GNB1L: variants seen among roughly 807,000 people sequenced by gnomAD.
The protein encoded by GNB1L is guanine nucleotide-binding protein subunit beta-like protein 1.
Under a neutral mutation model 29.1 loss-of-function variants are expected in GNB1L, and 20 were observed. That is an observed-to-expected ratio of 0.69 (90% confidence interval 0.48 to 1.00). The LOEUF is 1.00. Ranked by LOEUF, GNB1L falls within the 50% of genes least tolerant of loss-of-function variation. GNB1L has a pLI of 0.00. For synonymous variants in GNB1L, 193 were observed against 206.5 expected (o/e 0.93, Z 0.56); for missense variants, 421 against 464.9 (o/e 0.91, Z 0.87).
Position 19,821,248 on chromosome 22 carries a change from C to T in GNB1L, c.108G>A (p.Gly36=), listed in dbSNP as rs780742354. 5.0e-6 allele frequency: 8 copies of T among 1,611,876 alleles called. No homozygotes were observed. Among genetic ancestry groups the T allele is most frequent in the African/African-American group, 1.3e-5 (1 of 74,926 alleles). ...LHFCEGAQAQ[G]RPLLFSGSQS... is the part of the protein sequence containing the mutation. Reference sequence around the variant, plus strand: ...CTCACCCTGAGAAGAGGAGCGGGCGCCCCTGAGCCTGGGCTCCTTCGCAGA... The same window carrying T: ...CTCACCCTGAGAAGAGGAGCGGGCGTCCCTGAGCCTGGGCTCCTTCGCAGA... The change falls in exon 3 of 8, where the codon GGG becomes GGA. Residue 36 remains glycine, a synonymous_variant. Transcript: ENST00000329517.
chr22:19,817,110 G>A (rs1256477269), intron 4 of GNB1L, among the ~76,000 whole-genome samples: 1 of 152,200 alleles, frequency 6.6e-6, no homozygotes, highest in Non-Finnish European at 1.5e-5. Context: ...GGAACTCCCG[G>A]CAAGACACAA....
chr22:19,819,698 C>G (rs1937562733), intron 4 of GNB1L, among the ~76,000 whole-genome samples: 1 of 152,182 alleles, frequency 6.6e-6, no homozygotes, highest in Non-Finnish European at 1.5e-5. Context: ...CTCTGTGGAC[C>G]CTTCCTGCTG....
chr22:19,851,280 C>A (rs745966542), intron 2 of GNB1L: 44 of 1,613,106 alleles, frequency 2.7e-5, no homozygotes, highest in Non-Finnish European at 4.2e-6. Flanking sequence ...ACCTCCTCCT[C>A]TGTTTTCTGG....
intron 2 of GNB1L, chr22:19,851,746 G>A (rs1938105826): frequency 5.6e-6 from 9 of 1,609,264 alleles, no homozygotes; most frequent in Non-Finnish European, 7.7e-6. Flanking sequence ...TGAGATCCTG[G>A]CAGAAGAGCT....
intron 2 of GNB1L, among the ~76,000 whole-genome samples, chr22:19,833,878 A>C (rs1937721409): frequency 1.3e-5 from 2 of 150,274 alleles, no homozygotes; most frequent in Admixed American, 1.3e-4. Flanking sequence ...AGAGAAAAAC[A>C]ATAATAATAA....
Position 19,806,576 on chromosome 22 carries a change from C to T in GNB1L, c.516+83G>A, listed in dbSNP as rs1011811517. 71 of 863,682 alleles carry T rather than the reference C, an allele frequency of 8.2e-5. 1 individual carries two copies. The Admixed American group carries it at 1.2e-3, about 14-fold the overall frequency. 53.5% of individuals were successfully genotyped at this position (863,682 alleles called of 1,614,324 possible). A position where few individuals can be genotyped will look rare whatever the true frequency, so the allele number is the denominator to read the frequency against. Reference sequence around the variant, plus strand: ...GTGGGGTGTTGCCTGAGTGGCTCGACGATAAATCAGATCCTGAATGGAGCA... The same window carrying T: ...GTGGGGTGTTGCCTGAGTGGCTCGATGATAAATCAGATCCTGAATGGAGCA... On this transcript the variant is annotated intron_variant, in intron 6 of 7. Transcript: ENST00000329517.
intron 2 of GNB1L, chr22:19,851,744 T>G (rs749248074): frequency 1.2e-6 from 2 of 1,609,162 alleles, no homozygotes; most frequent in South Asian, 2.2e-5. Context: ...CTTGAGATCC[T>G]GGCAGAAGAG....
chr22:19,807,401 G>C (rs1257991250), intron 5 of GNB1L, among the ~76,000 whole-genome samples: 2 of 152,122 alleles, frequency 1.3e-5, no homozygotes, highest in Admixed American at 6.5e-5. Context: ...CTGCCAGGTG[G>C]TTCTGCTGGA....
At chr22:19,844,300 C>T (rs186299690) in intron 2 of GNB1L, among the ~76,000 whole-genome samples, 4 of 152,354 alleles carry the variant, frequency 2.6e-5, no homozygotes, top group South Asian at 2.1e-4. Context: ...TGTTCTCCCC[C>T]GAGGCACTGC....
At position 19,788,373 on chromosome 22, in the gene GNB1L, G is replaced by A. The variant is rs1385291037; in HGVS notation, c.*336C>T. On this transcript the variant is annotated 3_prime_UTR_variant, in exon 8 of 8. Coordinates refer to ENST00000329517, the MANE Select transcript of GNB1L (RefSeq NM_053004.3). ...CTGAGGGCACTGATGCTAAGTGGGG[G>A]ACCAGGGCCTCCTCAGGGAGCTCCC... 3 of 583,088 alleles carry A rather than the reference G, an allele frequency of 5.1e-6. No individual in the cohort carries two copies. Among genetic ancestry groups the A allele is most frequent in the South Asian group, 2.1e-5 (1 of 47,414 alleles). 36.1% of individuals were successfully genotyped at this position (583,088 alleles called of 1,614,324 possible). A position where few individuals can be genotyped will look rare whatever the true frequency, so the allele number is the denominator to read the frequency against.
At chr22:19,852,596 T>C (rs1317041583) in intron 2 of GNB1L, 3 of 289,784 alleles carry the variant, frequency 1.0e-5, no homozygotes, top group African/African-American at 2.2e-5. Context: ...ACTAGGAGCT[T>C]TGAATGGAAG....
intron 5 of GNB1L, among the ~76,000 whole-genome samples, chr22:19,810,310 C>T (rs1403644955): frequency 6.6e-6 from 1 of 152,174 alleles, no homozygotes. Context: ...TCCAAAAGAC[C>T]CCTCTGGGGA....
At chr22:19,842,446 C>A (rs1937878199) in intron 2 of GNB1L, among the ~76,000 whole-genome samples, 1 of 152,248 alleles carries the variant, frequency 6.6e-6, no homozygotes, top group South Asian at 2.1e-4. Flanking sequence ...TGTCTGCCCA[C>A]CAAGGCCTCG....
chr22:19,806,813 A>G (rs1313298890), intron 5 of GNB1L, 56 bp from the exon 6 acceptor site: 1 of 1,222,674 alleles, frequency 8.2e-7, no homozygotes, highest in Non-Finnish European at 1.2e-6. Context: ...TCTGCGCTAT[A>G]CAAACAAGAG....
chr22:19,806,782 T>G (rs1937441208), intron 5 of GNB1L, 25 bp from the exon 6 acceptor site: 2 of 1,535,518 alleles, frequency 1.3e-6, no homozygotes, highest in Non-Finnish European at 1.8e-6. Flanking sequence ...ACAAGTTGAT[T>G]TGGGCCGTCG....
intron 6 of GNB1L, among the ~76,000 whole-genome samples, chr22:19,804,916 G>T (rs1187263882): frequency 6.6e-6 from 1 of 152,236 alleles, no homozygotes; most frequent in Non-Finnish European, 1.5e-5. Context: ...TGCAGACTCG[G>T]ACACCCTTCC....
chr22:19,853,477 C>T (rs188487002), intron 2 of GNB1L, among the ~76,000 whole-genome samples: 7 of 152,170 alleles, frequency 4.6e-5, no homozygotes, highest in Non-Finnish European at 8.8e-5. Flanking sequence ...CAAACGGAGG[C>T]CCACTCACGA....
rs1275671129 is a variant in GNB1L, at chr22:19,802,071, G to A, written c.662C>T (p.Ala221Val). ...CCCCGCGGAGCCTGAGATGCCCCTG[G>A]CCTTCTGGGAGTCAAAGTCAAGGTC... is the stretch of plus-strand genomic sequence containing the variant. ...VMDLDFDSQK[A>V]RGISGSAGKA... Residue 221 changes from alanine (A) to valine (V), a missense_variant, in exon 7 of 8, where the codon GCC (alanine) becomes GTC (valine). Coordinates refer to ENST00000329517, the MANE Select transcript of GNB1L (RefSeq NM_053004.3). 2.5e-6 allele frequency: 4 copies of A among 1,613,252 alleles called. No homozygotes were observed. In the South Asian group the frequency reaches 3.3e-5, roughly 13 times the overall value.
chr22:19,808,685 C>G (rs1261629412), intron 5 of GNB1L, among the ~76,000 whole-genome samples: 2 of 152,246 alleles, frequency 1.3e-5, no homozygotes, highest in Non-Finnish European at 2.9e-5. Context: ...CGGGCTTAGC[C>G]GTTCTTTGTC....
Sources: gnomAD v4.1 joint callset for allele counts (sites outside exome capture counted in the v4.1 genomes callset) on GRCh38, gnomAD v4.1.1 for gene constraint, MANE v1.5 for transcripts, NCBI Gene and HGNC (gene_info 2026-07-23, HGNC 2026-07-21) for gene names.